Variants in USP47 observed in about 807,000 individuals in gnomAD.
USP47 encodes the protein ubiquitin specific peptidase 47.
Under a neutral mutation model 165.1 loss-of-function variants are expected in USP47, and 35 were observed. The observed-to-expected ratio is 0.21, with a 90% CI of 0.16 to 0.28. The LOEUF (loss-of-function observed/expected upper bound fraction) is 0.28, where lower values mean the gene tolerates loss of function less well. Among genes scored for constraint, USP47 ranks in the 10% least tolerant of loss-of-function variants. USP47 has a pLI of 1.00. For missense variants in USP47, 1,277 were observed against 1,607.4 expected (o/e 0.79, Z 3.52); for synonymous variants, 531 against 544.5 (o/e 0.98, Z 0.35).
chr11:11,912,223 C>T (rs909242983), intron 8 of USP47, among the ~76,000 whole-genome samples: 3 of 151,184 alleles, frequency 2.0e-5, no homozygotes, highest in African/African-American at 4.9e-5. Flanking sequence ...AAAGAAAAGC[C>T]GAGAAATCAG....
chr11:11,933,675 T>C (rs1344209580), intron 15 of USP47, among the ~76,000 whole-genome samples, 156 bp from the exon 16 acceptor site: 1 of 152,100 alleles, frequency 6.6e-6, no homozygotes, highest in Non-Finnish European at 1.5e-5. Flanking sequence ...ACATAACTGG[T>C]GTCAATTACT....
chr11:11,900,134 G>T (rs1271725172), intron 5 of USP47, among the ~76,000 whole-genome samples: 1 of 151,452 alleles, frequency 6.6e-6, no homozygotes, highest in East Asian at 1.9e-4. Flanking sequence ...AAAAGGATAG[G>T]GTTTTGTTTA....
intron 8 of USP47, among the ~76,000 whole-genome samples, chr11:11,913,196 G>A (rs1590362005): frequency 8.9e-6 from 1 of 112,688 alleles, no homozygotes; most frequent in Non-Finnish European, 1.8e-5. Flanking sequence ...ACTACTAAAG[G>A]AAGAAATAAA....
At chr11:11,873,775 T>A in intron 1 of USP47, 2 of 1,303,980 alleles carry the variant, frequency 1.5e-6, no homozygotes, top group Non-Finnish European at 2.0e-6. Flanking sequence ...TAATTTGTAA[T>A]TCATTTTGTT....
At chr11:11,855,648 A>T (rs137947463) in intron 1 of USP47, among the ~76,000 whole-genome samples, 90 of 152,342 alleles carry the variant, frequency 5.9e-4, no homozygotes, top group Admixed American at 9.8e-4. Flanking sequence ...CCTCATTTAC[A>T]ACCTCAGTGA....
intron 11 of USP47, 28 bp downstream of exon 11, chr11:11,922,919 T>A (rs765079549): frequency 6.3e-7 from 1 of 1,599,006 alleles, no homozygotes; most frequent in Non-Finnish European, 8.5e-7. Flanking sequence ...CATTTTTTAG[T>A]TGAAAGTGAG....
chr11:11,853,348 G>C (rs891864410), intron 1 of USP47, among the ~76,000 whole-genome samples: 8 of 152,192 alleles, frequency 5.3e-5, no homozygotes, highest in Non-Finnish European at 1.0e-4. Context: ...ATATGCAGAG[G>C]CATATTCTGT....
intron 1 of USP47, among the ~76,000 whole-genome samples, chr11:11,876,954 C>A (rs529515445): frequency 6.6e-5 from 10 of 152,202 alleles, no homozygotes; most frequent in African/African-American, 2.2e-4. Context: ...CTTTAATCCA[C>A]CTCAAGACGT....
chr11:11,942,697 C>G lies in USP47; in HGVS notation c.2676C>G (p.Leu892=). 6.2e-7 allele frequency: 1 copy of G among 1,613,558 alleles called. No individual in the cohort carries two copies. The highest frequency in any genetic ancestry group is 8.5e-7 in the Non-Finnish European group (1 of 1,179,782). ...ACTTTGAAAACATCGAATCACCTCT[C>G]AATGAGAGGGACTCTTCAGCATCAG... is the stretch of plus-strand genomic sequence containing the variant. ...TSDFENIESP[L]NERDSSASVD... is the part of the protein sequence containing the mutation. The change falls in exon 20 of 28, where the codon CTC becomes CTG. Residue 892 remains leucine (L), a synonymous_variant. Coordinates refer to ENST00000527733, the MANE Select transcript of USP47 (RefSeq NM_001282659.2).
intron 1 of USP47, among the ~76,000 whole-genome samples, chr11:11,853,259 CA>C (rs1848828352): frequency 6.6e-6 from 1 of 152,014 alleles, no homozygotes; most frequent in African/African-American, 2.4e-5. Context: ...ATTAAAGTTC[CA>C]AAAGACATCT....
chr11:11,845,411 A>G (rs1259427339), intron 1 of USP47, among the ~76,000 whole-genome samples: 4 of 152,064 alleles, frequency 2.6e-5, no homozygotes, highest in African/African-American at 4.8e-5. Context: ...TTTTCTGACC[A>G]TTTTAACCTT....
chr11:11,842,050 G>C lies in USP47; in HGVS notation c.-136G>C. ...TCTGCGCGCTGGTGTCTGAGGCCCA[G>C]GCTGAGGCCTCCGCTATTGCTGGAG... is the stretch of plus-strand genomic sequence containing the variant. On this transcript the variant is annotated 5_prime_UTR_variant, in exon 1 of 28. Coordinates refer to ENST00000527733, the MANE Select transcript of USP47 (RefSeq NM_001282659.2). The C allele has an allele frequency of 8.8e-7, 1 of 1,134,894 alleles. No individual in the cohort carries two copies. Among genetic ancestry groups the C allele is most frequent in the Non-Finnish European group, 1.2e-6 (1 of 800,792 alleles). 70.3% of individuals were successfully genotyped at this position (1,134,894 alleles called of 1,614,324 possible).
intron 20 of USP47, 22 bp from the exon 21 acceptor site, chr11:11,947,923 T>A: frequency 6.4e-7 from 1 of 1,572,018 alleles, no homozygotes; most frequent in Non-Finnish European, 8.6e-7. Flanking sequence ...TGTTCCTGTT[T>A]TGGTTTTTTT....
intron 1 of USP47, chr11:11,856,393 C>A (rs1380757520): frequency 6.6e-6 from 1 of 152,082 alleles, no homozygotes; most frequent in Admixed American, 6.6e-5. Flanking sequence ...ATTCTCTCAT[C>A]CATTTATTTC....
chr11:11,875,924 AT>A (rs908516371), intron 1 of USP47, among the ~76,000 whole-genome samples: 1 of 152,034 alleles, frequency 6.6e-6, no homozygotes, highest in African/African-American at 2.4e-5. Context: ...TTTAAAAAGG[AT>A]TTTTTTTCTT....
chr11:11,930,127 A>G lies in USP47; in HGVS notation c.1595+7A>G, dbSNP rs374335379. On this transcript the variant is annotated splice_region_variant and intron_variant, in intron 13 of 27. Transcript: ENST00000527733. ...ATTCTAGTGCTTTCGCAAGGTAAGC[A>G]ATTTCCTAATTTTCAGTGTTTAAAA... 17 of 1,606,422 alleles carry G rather than the reference A, an allele frequency of 1.1e-5. No individual in the cohort carries two copies. The African/African-American group carries it at 1.6e-4, about 15-fold the overall frequency.
At chr11:11,893,716 C>G (rs1445899963) in intron 4 of USP47, among the ~76,000 whole-genome samples, 2 of 152,036 alleles carry the variant, frequency 1.3e-5, no homozygotes, top group East Asian at 1.9e-4. Flanking sequence ...CAACGCCTGG[C>G]TTTTAAATTT....
At chr11:11,889,893 A>G (rs902289427) in intron 3 of USP47, among the ~76,000 whole-genome samples, 1 of 152,142 alleles carries the variant, frequency 6.6e-6, no homozygotes, top group Non-Finnish European at 1.5e-5. Flanking sequence ...GAACTCAGAA[A>G]TAAGACCACA....
intron 1 of USP47, among the ~76,000 whole-genome samples, chr11:11,860,212 C>T (rs1203360758): frequency 6.6e-6 from 1 of 151,710 alleles, no homozygotes; most frequent in Admixed American, 6.6e-5. Flanking sequence ...TGCAATGGCG[C>T]GATCTCGGCT....
Sources: gnomAD v4.1 joint callset for allele counts (sites outside exome capture counted in the v4.1 genomes callset) on GRCh38, gnomAD v4.1.1 for gene constraint, MANE v1.5 for transcripts, NCBI Gene and HGNC (gene_info 2026-07-23, HGNC 2026-07-21) for gene names.